NELL1: variants seen among roughly 807,000 people sequenced by gnomAD.
The protein encoded by NELL1 is neural EGFL like 1.
Under a neutral mutation model 107.4 loss-of-function variants are expected in NELL1, and 76 were observed. That is an observed-to-expected ratio of 0.71 (90% CI 0.59 to 0.86). The LOEUF is 0.86. Among genes scored for constraint, NELL1 ranks in the 40% least tolerant of loss-of-function variants. The pLI, the probability that NELL1 is intolerant of heterozygous loss-of-function variation, is 0.00. For missense variants in NELL1, 1,024 were observed against 1,005.5 expected (o/e 1.02, Z -0.25); for synonymous variants, 353 against 341.2 (o/e 1.03, Z -0.38).
At chr11:21,169,645 G>C (rs1856559480) in intron 13 of NELL1, 10 of 439,630 alleles carry the variant, frequency 2.3e-5, no homozygotes, top group Non-Finnish European at 3.2e-5. Flanking sequence ...CTCTTAGTAT[G>C]TTTAGGCAAA....
At chr11:21,376,312 T>G (rs1369577259) in intron 15 of NELL1, among the ~76,000 whole-genome samples, 1 of 152,084 alleles carries the variant, frequency 6.6e-6, no homozygotes, top group Non-Finnish European at 1.5e-5. Flanking sequence ...GGAGTCTTTT[T>G]CCCACTGCTT....
In NELL1 at chr11:21,179,121, A is replaced by G. The variant is rs1364720604; in HGVS notation, c.1427-50211A>G. Among the ~76,000 whole-genome samples the G allele has an allele frequency of 7.9e-5, 12 of 152,044 alleles. No individual in the cohort carries two copies. In the East Asian group the frequency reaches 2.3e-3, roughly 29 times the overall value. ...ATGGGTTCTAACCTTCAAGAAATAT[A>G]GGAGTTCAGTAACAGTCTTGCTCAT... On this transcript the variant is annotated intron_variant, in intron 13 of 19. Coordinates refer to ENST00000357134, the MANE Select transcript of NELL1 (RefSeq NM_006157.5).
At chr11:21,305,505 GT>G (rs926686659) in intron 14 of NELL1, among the ~76,000 whole-genome samples, 9 of 151,862 alleles carry the variant, frequency 5.9e-5, no homozygotes, top group African/African-American at 1.9e-4. Context: ...GCAGCAGTGT[GT>G]TTTTCAAAAG....
intron 5 of NELL1, among the ~76,000 whole-genome samples, chr11:20,910,196 C>T (rs1850095634): frequency 2.0e-5 from 3 of 152,278 alleles, no homozygotes; most frequent in East Asian, 3.9e-4. Flanking sequence ...ACAGGCCAGC[C>T]TGGGCTTGTT....
chr11:20,697,974 C>A (rs1363389925), intron 2 of NELL1, among the ~76,000 whole-genome samples: 2 of 152,148 alleles, frequency 1.3e-5, no homozygotes, highest in African/African-American at 4.8e-5. Context: ...TGCCGATCTT[C>A]CAGATTTCCT....
intron 5 of NELL1, 145 bp downstream of exon 5, chr11:20,885,685 T>C (rs1026744743): frequency 1.7e-6 from 1 of 604,664 alleles, no homozygotes; most frequent in Non-Finnish European, 3.0e-6. Context: ...ACTTACTTTG[T>C]GACACATGCT....
At chr11:21,200,230 C>G (rs895701780) in intron 13 of NELL1, among the ~76,000 whole-genome samples, 3 of 152,122 alleles carry the variant, frequency 2.0e-5, no homozygotes, top group African/African-American at 7.2e-5. Context: ...CACTGTCTTC[C>G]ACAATGGTTG....
rs75812860 is a variant in NELL1, at chr11:21,356,296, C to T, written c.1550-14557C>T. Among the ~76,000 whole-genome samples the T allele has an allele frequency of 2.6e-3, 389 of 152,178 alleles. 21 individuals are homozygous for T. In the East Asian group the frequency reaches 0.068, roughly 27 times the overall value. The stretch of plus-strand genomic sequence containing the variant: ...TAATCTCTGGTACAGAGAGGGTGCA[C>T]AATATATATTTATTGAATGACTGAA... On this transcript the variant is annotated intron_variant, in intron 14 of 19. Coordinates refer to ENST00000357134, the MANE Select transcript of NELL1 (RefSeq NM_006157.5).
At chr11:21,535,221 C>T (rs1276901679) in intron 16 of NELL1, among the ~76,000 whole-genome samples, 4 of 151,990 alleles carry the variant, frequency 2.6e-5, no homozygotes, top group Non-Finnish European at 2.9e-5. Context: ...TCATGAAATC[C>T]GAACAACTGA....
intron 14 of NELL1, among the ~76,000 whole-genome samples, chr11:21,361,913 A>G (rs926315237): frequency 2.6e-5 from 4 of 151,980 alleles, no homozygotes; most frequent in African/African-American, 9.7e-5. Context: ...TAATTTCTTT[A>G]AGTTGGTTTT....
At chr11:21,539,905 G>C (rs529152045) in intron 16 of NELL1, among the ~76,000 whole-genome samples, 9 of 151,870 alleles carry the variant, frequency 5.9e-5, no homozygotes, top group Middle Eastern at 3.4e-3. Flanking sequence ...CTTCTACCCA[G>C]TATTTCCCTG....
intron 15 of NELL1, among the ~76,000 whole-genome samples, chr11:21,386,870 T>C (rs970294870): frequency 6.6e-6 from 1 of 151,930 alleles, no homozygotes; most frequent in African/African-American, 2.4e-5. Flanking sequence ...AGAGTCAGAA[T>C]GGTGAAGGAA....
intron 12 of NELL1, among the ~76,000 whole-genome samples, chr11:20,962,068 GT>G (rs774391985): frequency 2.6e-5 from 4 of 151,384 alleles, no homozygotes; most frequent in African/African-American, 4.9e-5. Context: ...ATTTTTCACT[GT>G]TTTTTTGGCT....
At position 20,969,470 on chromosome 11, in the gene NELL1, A is replaced by G. The variant is rs531602778; in HGVS notation, c.1300+8910A>G. On this transcript the variant is annotated intron_variant, in intron 12 of 19. Coordinates refer to ENST00000357134, the MANE Select transcript of NELL1 (RefSeq NM_006157.5). Reference sequence around the variant, plus strand: ...GAGAGTCTTCAAACCATTAAATTCCAAGCAACATAGCAAAAGAAAGTAAAA... The same window carrying G: ...GAGAGTCTTCAAACCATTAAATTCCGAGCAACATAGCAAAAGAAAGTAAAA... Among the ~76,000 whole-genome samples, 5 of 152,238 alleles carry G rather than the reference A, an allele frequency of 3.3e-5. No individual in the cohort carries two copies. In the South Asian group the frequency reaches 1.0e-3, roughly 32 times the overall value.
chr11:20,808,574 G>GT (rs1347535692), intron 3 of NELL1, among the ~76,000 whole-genome samples: 1 of 152,226 alleles, frequency 6.6e-6, no homozygotes, highest in East Asian at 1.9e-4. Context: ...GTGCAGCACA[G>GT]TATTAGGACT....
chr11:21,459,905 T>C (rs888119542), intron 15 of NELL1, among the ~76,000 whole-genome samples: 1 of 152,060 alleles, frequency 6.6e-6, no homozygotes, highest in Non-Finnish European at 1.5e-5. Context: ...ATGGACTTTA[T>C]GACATTGGAG....
chr11:21,107,200 A>G (rs1854990192), intron 12 of NELL1, among the ~76,000 whole-genome samples: 1 of 152,104 alleles, frequency 6.6e-6, no homozygotes, highest in Non-Finnish European at 1.5e-5. Flanking sequence ...GGTGTTGTAT[A>G]TTTTTTGGGT....
At chr11:21,431,169 C>G (rs111519128) in intron 15 of NELL1, among the ~76,000 whole-genome samples, 1 of 151,326 alleles carries the variant, frequency 6.6e-6, no homozygotes, top group Non-Finnish European at 1.5e-5. Context: ...CTCACTTCCT[C>G]CCTTCTCTCA....
chr11:20,806,503 C>G (rs530529454), intron 3 of NELL1, among the ~76,000 whole-genome samples: 1 of 152,032 alleles, frequency 6.6e-6, no homozygotes, highest in East Asian at 1.9e-4. Context: ...TTACTAAATG[C>G]CTTGAGGTTG....
Sources: allele counts gnomAD v4.1 joint callset (sites outside exome capture counted in the v4.1 genomes callset), GRCh38; gene constraint gnomAD v4.1.1; transcripts MANE v1.5; gene names NCBI Gene and HGNC (gene_info 2026-07-23, HGNC 2026-07-21).